Variants in LHFPL7 observed in about 807,000 individuals in gnomAD.
LHFPL7 encodes LHFPL tetraspan subfamily member 7, also known as LHFPL tetraspan subfamily member 7 protein.
At chr22:24,940,300 A>G in the LHFPL7 span, among the ~76,000 whole-genome samples, 2 of 146,182 alleles carry the variant, frequency 1.4e-5, no homozygotes, top group Admixed American at 6.9e-5. Context: ...CCTTTTAAAA[A>G]TTCACACACA....
At chr22:24,937,947 TGACACTAAG>T in the LHFPL7 span, among the ~76,000 whole-genome samples, 1 of 152,116 alleles carries the variant, frequency 6.6e-6, no homozygotes, top group Non-Finnish European at 1.5e-5. Context: ...CAGTAATGGG[TGACACTAAG>T]GATGCCATCT....
chr22:24,940,015 C>T, the LHFPL7 span, among the ~76,000 whole-genome samples: 29 of 149,550 alleles, frequency 1.9e-4, no homozygotes, highest in South Asian at 1.1e-3. Flanking sequence ...GCAAGCTCCG[C>T]CTCCCGGGGT....
chr22:24,944,957 G>A, the LHFPL7 span, among the ~76,000 whole-genome samples: 9 of 151,780 alleles, frequency 5.9e-5, no homozygotes, highest in African/African-American at 9.7e-5. Flanking sequence ...CTACAGATGC[G>A]CACCACCACG....
chr22:24,935,752 C>A, the LHFPL7 span, among the ~76,000 whole-genome samples: 1 of 151,914 alleles, frequency 6.6e-6, no homozygotes, highest in East Asian at 1.9e-4. Flanking sequence ...TTTTGTCTAC[C>A]CACTCATTCA....
the LHFPL7 span, among the ~76,000 whole-genome samples, chr22:24,937,283 T>C: frequency 6.6e-6 from 1 of 152,190 alleles, no homozygotes; most frequent in African/African-American, 2.4e-5. Context: ...TAGCAAGACC[T>C]GTGAAAATCT....
At chr22:24,946,235 G>A in the LHFPL7 span, among the ~76,000 whole-genome samples, 1 of 151,396 alleles carries the variant, frequency 6.6e-6, no homozygotes, top group Non-Finnish European at 1.5e-5. Flanking sequence ...ACTTGAACCC[G>A]GAAGGCGGAG....
At chr22:24,939,285 A>G in the LHFPL7 span, 1 of 701,290 alleles carries the variant, frequency 1.4e-6, no homozygotes, top group South Asian at 1.5e-5. Context: ...TGCCTTAATG[A>G]GTTTAAACGA....
the LHFPL7 span, among the ~76,000 whole-genome samples, chr22:24,937,041 G>A: frequency 6.6e-5 from 10 of 152,328 alleles, no homozygotes; most frequent in African/African-American, 2.4e-4. Context: ...AGGGGCTGGT[G>A]ATAACCAGGC....
the LHFPL7 span, among the ~76,000 whole-genome samples, chr22:24,940,551 G>A: frequency 2.7e-5 from 4 of 150,510 alleles, no homozygotes; most frequent in Admixed American, 6.6e-5. Flanking sequence ...AGCCGAGATC[G>A]CACCACTGCA....
At chr22:24,937,900 A>C in the LHFPL7 span, among the ~76,000 whole-genome samples, 5 of 152,122 alleles carry the variant, frequency 3.3e-5, no homozygotes, top group Admixed American at 3.3e-4. Flanking sequence ...GCGAGAAACA[A>C]AGGGGGACAG....
At chr22:24,940,729 C>T in the LHFPL7 span, among the ~76,000 whole-genome samples, 2 of 135,306 alleles carry the variant, frequency 1.5e-5, no homozygotes, top group Admixed American at 7.9e-5. Flanking sequence ...TTCCTTCCTT[C>T]CTTGCTTCCT....
chr22:24,943,297 A>G, the LHFPL7 span, among the ~76,000 whole-genome samples: 7 of 152,192 alleles, frequency 4.6e-5, no homozygotes, highest in African/African-American at 1.4e-4. Context: ...ATAATGCTCA[A>G]TGTCACCTGG....
chr22:24,940,052 G>T, the LHFPL7 span, among the ~76,000 whole-genome samples: 1 of 147,938 alleles, frequency 6.8e-6, no homozygotes, highest in South Asian at 2.2e-4. Flanking sequence ...CTCAGCCTCC[G>T]GAGTAGCTGG....
chr22:24,943,133 C>T, the LHFPL7 span, among the ~76,000 whole-genome samples: 5 of 151,968 alleles, frequency 3.3e-5, no homozygotes, highest in Non-Finnish European at 2.9e-5. Context: ...CCAAAATCAG[C>T]CTCTCCTTTG....
At chr22:24,945,885 A>G in the LHFPL7 span, among the ~76,000 whole-genome samples, 1 of 152,260 alleles carries the variant, frequency 6.6e-6, no homozygotes, top group African/African-American at 2.4e-5. Context: ...CTATTCCAGC[A>G]TCTGTCACAG....
At chr22:24,935,937 T>A in the LHFPL7 span, among the ~76,000 whole-genome samples, 2 of 151,922 alleles carry the variant, frequency 1.3e-5, no homozygotes, top group Non-Finnish European at 2.9e-5. Context: ...TCCACCCTCA[T>A]CTTCCATTCA....
chr22:24,935,390 G>A, the LHFPL7 span: 7 of 1,609,774 alleles, frequency 4.3e-6, no homozygotes, highest in East Asian at 2.2e-5. Context: ...AGAAGATGAT[G>A]GTCCTCCCTT....
chr22:24,939,554 T>G, the LHFPL7 span: 3 of 702,332 alleles, frequency 4.3e-6, no homozygotes, highest in Non-Finnish European at 7.8e-6. Flanking sequence ...ATCGCTGACC[T>G]AGGGGTCAAC....
chr22:24,945,841 C>T, the LHFPL7 span, among the ~76,000 whole-genome samples: 6 of 152,192 alleles, frequency 3.9e-5, no homozygotes, highest in Non-Finnish European at 7.4e-5. Context: ...CACATTCTCC[C>T]GGCTATGCAG....
Sources: allele counts gnomAD v4.1 joint callset (sites outside exome capture counted in the v4.1 genomes callset), GRCh38; gene constraint gnomAD v4.1.1; transcripts MANE v1.5; gene names NCBI Gene and HGNC (gene_info 2026-07-23, HGNC 2026-07-21).